PAPPA2: variants seen among roughly 807,000 people sequenced by gnomAD.
PAPPA2 encodes pappalysin 2.
Under a neutral mutation model 176.4 loss-of-function variants are expected in PAPPA2, and 86 were observed. The ratio of observed to expected loss-of-function variants is 0.49; its 90% confidence interval spans 0.41 to 0.58. PAPPA2 has a LOEUF of 0.58. PAPPA2 is among the 20% of genes least tolerant of loss of function. The pLI is 0.00. For missense variants in PAPPA2, 2,073 were observed against 2,256.9 expected, an observed-to-expected ratio of 0.92 and a Z score of 1.65; for synonymous variants, 809 against 852.2, an observed-to-expected ratio of 0.95 and a Z score of 0.88.
chr1:176,616,559 G>A, intron 3 of PAPPA2: 2 of 1,408,030 alleles, frequency 1.4e-6, no homozygotes, highest in Non-Finnish European at 2.0e-6. Context: ...CAATCTGGTT[G>A]GATGGTGGTG....
intron 3 of PAPPA2, among the ~76,000 whole-genome samples, chr1:176,614,457 A>G (rs1655098378): frequency 6.6e-6 from 1 of 152,224 alleles, no homozygotes; most frequent in Admixed American, 6.5e-5. Flanking sequence ...AAAGTTGGCC[A>G]GGAACTAAGC....
intron 2 of PAPPA2, among the ~76,000 whole-genome samples, chr1:176,588,362 A>T (rs1330747357): frequency 6.6e-6 from 1 of 152,234 alleles, no homozygotes; most frequent in Non-Finnish European, 1.5e-5. Flanking sequence ...GCAAACAAAG[A>T]CAACTTGACT....
intron 21 of PAPPA2, among the ~76,000 whole-genome samples, chr1:176,803,542 T>C (rs1665773539): frequency 6.6e-6 from 1 of 152,126 alleles, no homozygotes; most frequent in Non-Finnish European, 1.5e-5. Context: ...TTGTGTCCAA[T>C]CAGTCATCAG....
At chr1:176,720,374 G>T (rs1253654179) in intron 12 of PAPPA2, among the ~76,000 whole-genome samples, 1 of 151,760 alleles carries the variant, frequency 6.6e-6, no homozygotes, top group Non-Finnish European at 1.5e-5. Context: ...TGCTTAGTTT[G>T]TTATCAACAT....
chr1:176,762,917 G>A (rs538266253), intron 14 of PAPPA2, among the ~76,000 whole-genome samples: 2 of 152,162 alleles, frequency 1.3e-5, no homozygotes, highest in East Asian at 1.9e-4. Context: ...TCTTCACACC[G>A]ATCACCTCCA....
intron 11 of PAPPA2, 27 bp downstream of exon 11, chr1:176,710,203 G>A (rs1661082785): frequency 1.1e-5 from 17 of 1,598,068 alleles, no homozygotes; most frequent in African/African-American, 1.3e-5. Context: ...GAATAGAGTC[G>A]AGCCTGCGCA....
intron 17 of PAPPA2, among the ~76,000 whole-genome samples, chr1:176,780,423 C>T (rs1330017555): frequency 1.3e-5 from 2 of 152,168 alleles, no homozygotes; most frequent in Non-Finnish European, 2.9e-5. Context: ...CCCTGACTCT[C>T]CCCAACAGTA....
chr1:176,702,509 A>G (rs1349617935), intron 8 of PAPPA2, 98 bp from the exon 9 acceptor site: 33 of 1,515,630 alleles, frequency 2.2e-5, no homozygotes, highest in African/African-American at 4.1e-5. Flanking sequence ...TATGTTTCCC[A>G]TAATATTTCC....
At chr1:176,757,546 A>G (rs1473906151) in intron 14 of PAPPA2, among the ~76,000 whole-genome samples, 2 of 151,842 alleles carry the variant, frequency 1.3e-5, no homozygotes. Flanking sequence ...CTACGTTTTG[A>G]TGGGCTTGTT....
chr1:176,595,992 A>C (rs1189900261), intron 3 of PAPPA2, among the ~76,000 whole-genome samples: 1 of 152,242 alleles, frequency 6.6e-6, no homozygotes. Flanking sequence ...TACACGTGAC[A>C]ATACTTCCTA....
intron 2 of PAPPA2, among the ~76,000 whole-genome samples, chr1:176,582,028 A>G (rs1330015421): frequency 6.9e-6 from 1 of 144,290 alleles, no homozygotes; most frequent in Non-Finnish European, 1.5e-5. Context: ...GGTTCACGCC[A>G]TTCTCCTACC....
At chr1:176,771,236 T>C (rs1190772027) in intron 17 of PAPPA2, 56 bp downstream of exon 17, 1 of 1,555,526 alleles carries the variant, frequency 6.4e-7, no homozygotes, top group Non-Finnish European at 8.8e-7. Context: ...CTTGTTATGT[T>C]TGTTTTTCTG....
At chr1:176,482,162 A>G (rs909435846) in intron 1 of PAPPA2, among the ~76,000 whole-genome samples, 1 of 152,206 alleles carries the variant, frequency 6.6e-6, no homozygotes, top group Admixed American at 6.5e-5. Flanking sequence ...ATAGAGGTAA[A>G]AGAGGACAGC....
intron 21 of PAPPA2, among the ~76,000 whole-genome samples, chr1:176,833,221 G>A (rs568475990): frequency 1.3e-5 from 2 of 152,228 alleles, no homozygotes; most frequent in African/African-American, 4.8e-5. Context: ...GATCCTTAAC[G>A]TCTTACTGTT....
chr1:176,772,334 T>C (rs762659880), intron 17 of PAPPA2, among the ~76,000 whole-genome samples: 12 of 152,212 alleles, frequency 7.9e-5, no homozygotes, highest in Non-Finnish European at 1.6e-4. Flanking sequence ...AAGATTTTGT[T>C]TTTGAACTAA....
intron 3 of PAPPA2, among the ~76,000 whole-genome samples, chr1:176,662,360 A>T (rs1043157667): frequency 6.6e-6 from 1 of 152,158 alleles, no homozygotes; most frequent in Non-Finnish European, 1.5e-5. Flanking sequence ...TTAGTAGTAA[A>T]TAAATGGTGC....
chr1:176,770,516 A>T (rs1364807123), intron 16 of PAPPA2, among the ~76,000 whole-genome samples: 1 of 152,156 alleles, frequency 6.6e-6, no homozygotes, highest in Non-Finnish European at 1.5e-5. Flanking sequence ...AGGGGATAAT[A>T]ATAGGATCTA....
At chr1:176,765,562 G>C in intron 14 of PAPPA2, 104 bp from the exon 15 acceptor site, 1 of 1,103,874 alleles carries the variant, frequency 9.1e-7, no homozygotes, top group Non-Finnish European at 1.3e-6. Flanking sequence ...GGAGAAAATT[G>C]TTCTCTCTGG....
chr1:176,837,687 C>A (rs916751092), intron 21 of PAPPA2, among the ~76,000 whole-genome samples: 34 of 152,236 alleles, frequency 2.2e-4, no homozygotes, highest in African/African-American at 8.2e-4. Flanking sequence ...ACACATTGTG[C>A]AGAGAAACCA....
Sources: gnomAD v4.1 joint callset for allele counts (sites outside exome capture counted in the v4.1 genomes callset) on GRCh38, gnomAD v4.1.1 for gene constraint, MANE v1.5 for transcripts, NCBI Gene and HGNC (gene_info 2026-07-23, HGNC 2026-07-21) for gene names.